CABIN1: variants seen among roughly 807,000 people sequenced by gnomAD.
CABIN1 encodes calcineurin-binding protein cabin-1.
Under a neutral mutation model 227.7 loss-of-function variants are expected in CABIN1, and 133 were observed. The observed-to-expected ratio is 0.58, with a 90% CI of 0.51 to 0.67. The LOEUF is 0.67. Ranked by LOEUF, CABIN1 falls within the 30% of genes least tolerant of loss-of-function variation. The probability of loss-of-function intolerance (pLI) is 0.00; values close to 1 mark genes in which losing one functional copy is unlikely to be tolerated. For missense variants in CABIN1, 2,408 were observed against 2,852.5 expected (o/e 0.84, Z 3.55); for synonymous variants, 1,086 against 1,155.1 (o/e 0.94, Z 1.21).
At position 24,070,970 on chromosome 22, in the gene CABIN1, C is replaced by G; in HGVS notation, c.2403C>G (p.Asp801Glu). ...LMGIEQALSADSSGSILKVSS... is the reference protein window; with the variant it reads ...LMGIEQALSAESSGSILKVSS... ...GCATCGAGCAGGCCCTCTCTGCGGA[C>G]AGCAGTGGTAGCATCCTGAAGGTAT... Residue 801 changes from aspartate (D) to glutamate (E), a missense_variant, in exon 17 of 37, where the codon GAC becomes GAG. This residue lies in a region of CABIN1 where 1,045 missense variants were observed against 1,168.4 expected (regional missense o/e 0.89). Coordinates refer to ENST00000263119, the MANE Select transcript of CABIN1 (RefSeq NM_012295.4). 2 of 1,614,234 alleles carry G rather than the reference C, an allele frequency of 1.2e-6. No homozygotes were observed. Among genetic ancestry groups the G allele is most frequent in the East Asian group, 4.5e-5 (2 of 44,876 alleles).
At chr22:24,123,367 A>T (rs1010054390) in intron 28 of CABIN1, among the ~76,000 whole-genome samples, 1 of 152,176 alleles carries the variant, frequency 6.6e-6, no homozygotes, top group Non-Finnish European at 1.5e-5. Flanking sequence ...CTACCCACAG[A>T]TCTGCTTCCA....
chr22:24,096,152 A>T, intron 25 of CABIN1, 70 bp downstream of exon 25: 1 of 1,543,288 alleles, frequency 6.5e-7, no homozygotes, highest in Non-Finnish European at 9.0e-7. Flanking sequence ...CGTTTACTGC[A>T]ATGTGTTGTT....
At chr22:24,034,691 C>T (rs764125282) in intron 1 of CABIN1, among the ~76,000 whole-genome samples, 17 of 152,176 alleles carry the variant, frequency 1.1e-4, no homozygotes, top group South Asian at 6.2e-4. Flanking sequence ...GACTGTTTTC[C>T]GCAAGGGTTG....
chr22:24,141,046 C>T (rs2044727005), intron 29 of CABIN1, among the ~76,000 whole-genome samples: 1 of 152,240 alleles, frequency 6.6e-6, no homozygotes, highest in Admixed American at 6.5e-5. Context: ...TGGCATGCCA[C>T]ACAAATCACC....
intron 26 of CABIN1, chr22:24,102,137 A>G (rs922123214): frequency 4.6e-5 from 7 of 152,264 alleles, no homozygotes; most frequent in Non-Finnish European, 1.0e-4. Context: ...CAGAGGTGAG[A>G]CTGACACTAG....
intron 28 of CABIN1, among the ~76,000 whole-genome samples, chr22:24,127,313 T>G (rs1313654971): frequency 6.6e-6 from 1 of 152,182 alleles, no homozygotes; most frequent in Non-Finnish European, 1.5e-5. Context: ...CTGCCCCTCA[T>G]CAACTCCACA....
chr22:24,026,978 T>C (rs953295429), intron 1 of CABIN1, among the ~76,000 whole-genome samples: 1 of 152,216 alleles, frequency 6.6e-6, no homozygotes, highest in Non-Finnish European at 1.5e-5. Context: ...TGGGGGAAAA[T>C]TGACATCTTT....
intron 1 of CABIN1, among the ~76,000 whole-genome samples, chr22:24,024,921 T>G (rs2035976635): frequency 6.6e-6 from 1 of 152,188 alleles, no homozygotes. Context: ...TTTATTATTT[T>G]GTTCATCTAT....
At chr22:24,120,248 A>G (rs1218031419) in intron 28 of CABIN1, among the ~76,000 whole-genome samples, 1 of 152,078 alleles carries the variant, frequency 6.6e-6, no homozygotes, top group African/African-American at 2.4e-5. Context: ...CCTCTGCTTC[A>G]TGGGGGTTGG....
intron 29 of CABIN1, among the ~76,000 whole-genome samples, chr22:24,151,362 ACCTT>A (rs1310435178): frequency 6.6e-6 from 1 of 151,736 alleles, no homozygotes; most frequent in Non-Finnish European, 1.5e-5. Context: ...CTTCCCCATG[ACCTT>A]CCCTACCTTG....
At chr22:24,013,296 A>G (rs1430060406) in intron 1 of CABIN1, among the ~76,000 whole-genome samples, 1 of 139,866 alleles carries the variant, frequency 7.1e-6, no homozygotes, top group East Asian at 2.1e-4. Flanking sequence ...GCCTGGGTTC[A>G]CGCCATTCTC....
At chr22:24,047,014 C>A (rs1289781572) in intron 6 of CABIN1, among the ~76,000 whole-genome samples, 1 of 152,138 alleles carries the variant, frequency 6.6e-6, no homozygotes, top group Non-Finnish European at 1.5e-5. Context: ...GAGGCCCCCC[C>A]ACATTAGGGA....
chr22:24,085,747 G>A (rs549236239), intron 22 of CABIN1, among the ~76,000 whole-genome samples: 7 of 152,288 alleles, frequency 4.6e-5, no homozygotes, highest in African/African-American at 1.4e-4. Context: ...CTCTCAAGGG[G>A]CCTTCTACAT....
chr22:24,127,328 G>C (rs1044579184), intron 28 of CABIN1, among the ~76,000 whole-genome samples: 1 of 152,190 alleles, frequency 6.6e-6, no homozygotes, highest in Non-Finnish European at 1.5e-5. Context: ...TCCACAGGGA[G>C]GGAATTCAAG....
intron 29 of CABIN1, among the ~76,000 whole-genome samples, chr22:24,158,913 C>T (rs548918205): frequency 1.3e-5 from 2 of 152,292 alleles, no homozygotes; most frequent in South Asian, 4.1e-4. Context: ...TTCCAGCCCT[C>T]TTGGGAATCA....
chr22:24,041,342 G>A, intron 5 of CABIN1, 69 bp downstream of exon 5: 1 of 1,596,812 alleles, frequency 6.3e-7, no homozygotes, highest in Non-Finnish European at 8.6e-7. Context: ...TGAGGTTGCG[G>A]TCTTGTGGGC....
At chr22:24,075,295 C>T (rs1423075609) in intron 18 of CABIN1, among the ~76,000 whole-genome samples, 2 of 152,178 alleles carry the variant, frequency 1.3e-5, no homozygotes, top group African/African-American at 2.4e-5. Flanking sequence ...TCTAAAAATG[C>T]TAGTTATAAG....
intron 13 of CABIN1, 115 bp downstream of exon 13, chr22:24,062,140 C>T: frequency 2.3e-6 from 2 of 855,856 alleles, no homozygotes; most frequent in Admixed American, 3.9e-5. Flanking sequence ...ACAGTAGGCA[C>T]ATTTTTTGGG....
intron 29 of CABIN1, chr22:24,155,688 G>A: frequency 4.0e-6 from 1 of 252,986 alleles, no homozygotes; most frequent in East Asian, 7.7e-5. Context: ...ACAACTCCAG[G>A]GGGCGCCATT....
Sources: allele counts gnomAD v4.1 joint callset (sites outside exome capture counted in the v4.1 genomes callset), GRCh38; gene constraint gnomAD v4.1.1; regional missense constraint gnomAD v4.1.1; transcripts MANE v1.5; gene names NCBI Gene and HGNC (gene_info 2026-07-23, HGNC 2026-07-21).